Variants in LPP observed in about 807,000 individuals in gnomAD.
The protein encoded by LPP is lipoma-preferred partner.
Under a neutral mutation model 60.4 loss-of-function variants are expected in LPP, and 38 were observed. The ratio of observed to expected loss-of-function variants is 0.63; its 90% confidence interval spans 0.49 to 0.83. The LOEUF (loss-of-function observed/expected upper bound fraction) is 0.83, where lower values mean the gene tolerates loss of function less well. Ranked by LOEUF, LPP falls within the 40% of genes least tolerant of loss-of-function variation. The pLI is 0.00. For synonymous variants in LPP, 328 were observed against 290.8 expected, an observed-to-expected ratio of 1.13 and a Z score of -1.30; for missense variants, 902 against 783.6, an observed-to-expected ratio of 1.15 and a Z score of -1.80.
intron 6 of LPP, among the ~76,000 whole-genome samples, chr3:188,535,217 G>T (rs909178667): frequency 1.3e-5 from 2 of 152,150 alleles, no homozygotes; most frequent in African/African-American, 4.8e-5. Context: ...TGCAGAAGGG[G>T]ATCGAATTAT....
intron 9 of LPP, among the ~76,000 whole-genome samples, chr3:188,857,951 T>A (rs1764233561): frequency 6.6e-6 from 1 of 152,210 alleles, no homozygotes; most frequent in African/African-American, 2.4e-5. Context: ...AACTAACATT[T>A]ATTATATAGT....
At chr3:188,825,265 CTCTCTGTGTGTGTGTGTGTG>C (rs1755100671) in intron 9 of LPP, among the ~76,000 whole-genome samples, 1 of 100,622 alleles carries the variant, frequency 9.9e-6, no homozygotes, top group African/African-American at 3.8e-5. Context: ...CTCTCTCTCT[CTCTCTGTGTGTGTGTGTGTG>C]TGTGTGTGTG....
At chr3:188,518,766 A>G (rs1179818149) in intron 5 of LPP, among the ~76,000 whole-genome samples, 3 of 152,212 alleles carry the variant, frequency 2.0e-5, no homozygotes, top group Admixed American at 6.5e-5. Flanking sequence ...TAATTCTAGT[A>G]TATAAACATC....
chr3:188,591,628 C>T (rs544530769), intron 6 of LPP, among the ~76,000 whole-genome samples: 6 of 152,246 alleles, frequency 3.9e-5, no homozygotes, highest in Non-Finnish European at 7.4e-5. Context: ...CAGTAGCTTC[C>T]AGGCTGGCTT....
At chr3:188,363,899 C>A (rs1770306087) in intron 3 of LPP, among the ~76,000 whole-genome samples, 1 of 125,644 alleles carries the variant, frequency 8.0e-6, no homozygotes, top group South Asian at 3.0e-4. Context: ...AGTGAAAACT[C>A]CCTCCCAAAA....
At chr3:188,500,302 A>G (rs1811451172) in intron 5 of LPP, among the ~76,000 whole-genome samples, 1 of 152,070 alleles carries the variant, frequency 6.6e-6, no homozygotes, top group Admixed American at 6.5e-5. Flanking sequence ...TTTTCTTATG[A>G]AAGGATATTG....
intron 4 of LPP, among the ~76,000 whole-genome samples, chr3:188,435,622 T>A (rs551238821): frequency 1.1e-3 from 168 of 152,326 alleles, no homozygotes; most frequent in African/African-American, 3.9e-3. Context: ...AATGCAGGCT[T>A]TATTTAGTTT....
chr3:188,491,782 G>T (rs775761121), intron 5 of LPP, among the ~76,000 whole-genome samples: 33 of 152,312 alleles, frequency 2.2e-4, no homozygotes, highest in Non-Finnish European at 3.2e-4. Context: ...CAGATAAGAA[G>T]ATGGACATTT....
At chr3:188,240,368 T>TGTGTGA in intron 2 of LPP, among the ~76,000 whole-genome samples, 1 of 147,738 alleles carries the variant, frequency 6.8e-6, no homozygotes, top group African/African-American at 2.6e-5. Flanking sequence ...TGTGTGTGTG[T>TGTGTGA]GTGTGTGTGA....
At chr3:188,466,834 T>TATATATATATATATATATAG (rs1553906195) in intron 4 of LPP, among the ~76,000 whole-genome samples, 2 of 126,154 alleles carry the variant, frequency 1.6e-5, no homozygotes, top group Non-Finnish European at 3.3e-5. Flanking sequence ...TATATATATA[T>TATATATATATATATATATAG]ATATATATGC....
intron 7 of LPP, among the ~76,000 whole-genome samples, chr3:188,613,989 G>A (rs191111571): frequency 8.6e-5 from 13 of 151,468 alleles, no homozygotes; most frequent in Non-Finnish European, 1.6e-4. Flanking sequence ...GTGCAATGAC[G>A]TGATCTCGGC....
chr3:188,516,472 C>T (rs1817390840), intron 5 of LPP, among the ~76,000 whole-genome samples: 1 of 151,670 alleles, frequency 6.6e-6, no homozygotes, highest in Admixed American at 6.6e-5. Context: ...ATCCAAATAC[C>T]TCTTAGCTAT....
chr3:188,346,627 G>A (rs945775714), intron 3 of LPP, among the ~76,000 whole-genome samples: 1 of 152,096 alleles, frequency 6.6e-6, no homozygotes, highest in Non-Finnish European at 1.5e-5. Flanking sequence ...ACATGATCCT[G>A]TGTTTGGGGC....
chr3:188,789,497 G>A (rs942586464), intron 9 of LPP, among the ~76,000 whole-genome samples: 1 of 152,156 alleles, frequency 6.6e-6, no homozygotes, highest in African/African-American at 2.4e-5. Context: ...CTGTCACATG[G>A]TGTGGCCAGA....
intron 2 of LPP, among the ~76,000 whole-genome samples, chr3:188,289,882 T>G (rs1745344456): frequency 6.6e-6 from 1 of 152,216 alleles, no homozygotes; most frequent in African/African-American, 2.4e-5. Flanking sequence ...TTATAAAATC[T>G]TTCTCTCAAT....
At chr3:188,355,763 T>A (rs1319675140) in intron 3 of LPP, among the ~76,000 whole-genome samples, 1 of 152,220 alleles carries the variant, frequency 6.6e-6, no homozygotes, top group Admixed American at 6.5e-5. Context: ...TAGAAAAGTT[T>A]GATGTGACAG....
chr3:188,844,724 A>G (rs28546752), intron 9 of LPP, among the ~76,000 whole-genome samples: 2,580 of 152,366 alleles, frequency 0.017, 33 homozygotes, highest in South Asian at 0.035. Context: ...GAAGGAGCGT[A>G]GACCTACAGA....
intron 9 of LPP, among the ~76,000 whole-genome samples, chr3:188,853,201 A>C (rs1056711653): frequency 6.6e-6 from 1 of 152,166 alleles, no homozygotes; most frequent in Non-Finnish European, 1.5e-5. Flanking sequence ...CTGCTATGAC[A>C]TTCTCTTGGC....
At chr3:188,692,089 C>G (rs1862247984) in intron 7 of LPP, among the ~76,000 whole-genome samples, 1 of 152,192 alleles carries the variant, frequency 6.6e-6, no homozygotes, top group Non-Finnish European at 1.5e-5. Context: ...CCCAGGATAC[C>G]TGTATTTCTC....
Sources: allele counts gnomAD v4.1 joint callset (sites outside exome capture counted in the v4.1 genomes callset), GRCh38; gene constraint gnomAD v4.1.1; transcripts MANE v1.5; gene names NCBI Gene and HGNC (gene_info 2026-07-23, HGNC 2026-07-21).